The following GRIK2 variants were observed in gnomAD, a reference collection of about 807,000 sequenced individuals.
GRIK2 encodes glutamate receptor ionotropic, kainate 2.
GRIK2 carries 32 observed loss-of-function variants against 100.3 expected under a neutral mutation model. That is an observed-to-expected ratio of 0.32 (90% confidence interval 0.24 to 0.43). GRIK2 has a LOEUF of 0.43. Ranked by LOEUF, GRIK2 falls within the 20% of genes least tolerant of loss-of-function variation. The pLI is 1.00. For missense variants in GRIK2, 843 were observed against 1,114.9 expected (o/e 0.76, Z 3.47); for synonymous variants, 417 against 389.4 (o/e 1.07, Z -0.83).
chr6:101,396,971 T>C (rs1775035556), intron 1 of GRIK2, among the ~76,000 whole-genome samples: 1 of 152,206 alleles, frequency 6.6e-6, no homozygotes, highest in Non-Finnish European at 1.5e-5. Context: ...ATATAGAGGC[T>C]TGATCTTTCA....
chr6:101,688,233 A>G (rs1447130808), intron 7 of GRIK2, among the ~76,000 whole-genome samples: 1 of 151,344 alleles, frequency 6.6e-6, no homozygotes, highest in Non-Finnish European at 1.5e-5. Flanking sequence ...AAAGTAAATC[A>G]GTAGATATCA....
chr6:101,397,817 A>G (rs1056635735), intron 1 of GRIK2, among the ~76,000 whole-genome samples: 4 of 152,166 alleles, frequency 2.6e-5, no homozygotes, highest in Non-Finnish European at 5.9e-5. Flanking sequence ...GATTAATGAT[A>G]AGATATAGGT....
At position 101,898,247 on chromosome 6, in the gene GRIK2, G is replaced by A. The variant is rs145144119; in HGVS notation, c.1748+8384G>A. On this transcript the variant is annotated intron_variant, in intron 12 of 16. Coordinates refer to ENST00000369134, the MANE Select transcript of GRIK2 (RefSeq NM_021956.5). ...ACACTTTTTAATTTTAACTTATTAT[G>A]AAGAAGAATGTGACACTAAAGAAAA... is the stretch of plus-strand genomic sequence containing the variant. Among the ~76,000 whole-genome samples, 749 of 151,690 alleles carry A rather than the reference G, an allele frequency of 4.9e-3. 8 individuals carry two copies. The highest frequency in any genetic ancestry group is 0.016 in the African/African-American group (683 of 41,450).
At chr6:101,584,008 G>C (rs1373598469) in intron 2 of GRIK2, among the ~76,000 whole-genome samples, 2 of 152,036 alleles carry the variant, frequency 1.3e-5, no homozygotes, top group East Asian at 3.9e-4. Context: ...CTGTCATTGA[G>C]TATTGGCATG....
intron 2 of GRIK2, among the ~76,000 whole-genome samples, chr6:101,541,307 T>TG (rs781102919): frequency 1.1e-4 from 16 of 150,744 alleles, no homozygotes; most frequent in Non-Finnish European, 2.2e-4. Flanking sequence ...ATATCGAAGA[T>TG]GGGATGGGCT....
intron 7 of GRIK2, among the ~76,000 whole-genome samples, chr6:101,760,716 TTATA>T (rs1435325756): frequency 2.9e-5 from 3 of 103,746 alleles, no homozygotes; most frequent in Non-Finnish European, 5.0e-5. Context: ...ATATATTTAA[TTATA>T]TTTAATTATA....
intron 5 of GRIK2, among the ~76,000 whole-genome samples, chr6:101,678,903 T>C (rs1771039783): frequency 6.6e-6 from 1 of 152,222 alleles, no homozygotes; most frequent in African/African-American, 2.4e-5. Context: ...ACAGTGAATT[T>C]GAAGTTTTCC....
At chr6:101,960,403 T>C (rs552815227) in intron 14 of GRIK2, among the ~76,000 whole-genome samples, 1 of 152,282 alleles carries the variant, frequency 6.6e-6, no homozygotes, top group East Asian at 1.9e-4. Context: ...TAAAGCACTC[T>C]GTTTTTCCAT....
rs1044100969 is a variant in GRIK2, at chr6:101,898,140, C to T, written c.1748+8277C>T. On this transcript the variant is annotated intron_variant, in intron 12 of 16. Transcript: ENST00000369134. ...TATGATATGATTTAAGGAATAAATA[C>T]ATATATAGCAGCCCCCAGCCCCTCA... is the stretch of plus-strand genomic sequence containing the variant. 7.1e-4 allele frequency among the ~76,000 whole-genome samples: 108 copies of T among 151,644 alleles called. 1 individual carries two copies. The highest frequency in any genetic ancestry group is 1.6e-4 in the Non-Finnish European group (11 of 67,790).
chr6:101,943,982 T>C (rs1277508774), intron 14 of GRIK2, among the ~76,000 whole-genome samples: 4 of 152,144 alleles, frequency 2.6e-5, no homozygotes, highest in Admixed American at 2.6e-4. Context: ...AGAGTTGTAA[T>C]TCCCATGTTT....
chr6:101,676,810 C>T lies in GRIK2; in HGVS notation c.723+6C>T. ...CAGCAGGCATTTTAAAACAGGTAAC[C>T]TTTAAATTACTTCAATTCTTGTTTT... On this transcript the variant is annotated splice_donor_region_variant and intron_variant, in intron 5 of 16. Transcript: ENST00000369134. 6.6e-7 allele frequency: 1 copy of T among 1,514,000 alleles called. No individual in the cohort carries two copies. Among genetic ancestry groups the T allele is most frequent in the Non-Finnish European group, 9.0e-7 (1 of 1,109,148 alleles). The allele number at this position is 1,514,000 out of a possible 1,614,324, so 93.8% of individuals were successfully genotyped here.
chr6:101,649,694 G>C (rs1781699524), intron 4 of GRIK2, among the ~76,000 whole-genome samples: 1 of 152,070 alleles, frequency 6.6e-6, no homozygotes, highest in South Asian at 2.1e-4. Context: ...TAGCAAACAG[G>C]TAAATGAGTT....
chr6:101,523,992 G>C (rs1775020598), intron 2 of GRIK2, among the ~76,000 whole-genome samples: 2 of 152,154 alleles, frequency 1.3e-5, no homozygotes, highest in Admixed American at 1.3e-4. Context: ...ACAGTGCTGG[G>C]ATTACAGGCG....
chr6:102,055,830 C>T (rs1328632404), intron 16 of GRIK2, among the ~76,000 whole-genome samples: 1 of 151,880 alleles, frequency 6.6e-6, no homozygotes, highest in Non-Finnish European at 1.5e-5. Context: ...GGAAAAATAG[C>T]TATTTCTACT....
intron 16 of GRIK2, among the ~76,000 whole-genome samples, chr6:102,063,617 T>C (rs1037386109): frequency 6.6e-6 from 1 of 150,788 alleles, no homozygotes; most frequent in Admixed American, 6.6e-5. Flanking sequence ...CATGTTATTA[T>C]AAAAATATAT....
intron 7 of GRIK2, among the ~76,000 whole-genome samples, chr6:101,795,385 G>A (rs767038892): frequency 2.0e-5 from 3 of 152,164 alleles, no homozygotes; most frequent in Non-Finnish European, 4.4e-5. Flanking sequence ...GGGTGTAGGA[G>A]TGCCAGGTAG....
chr6:101,418,910 G>A (rs1333431976), intron 2 of GRIK2, among the ~76,000 whole-genome samples: 3 of 152,138 alleles, frequency 2.0e-5, no homozygotes, highest in East Asian at 1.9e-4. Flanking sequence ...ATGACATGGC[G>A]AGAGGATGGA....
chr6:101,461,949 G>T (rs1372520602), intron 2 of GRIK2, among the ~76,000 whole-genome samples: 1 of 152,130 alleles, frequency 6.6e-6, no homozygotes, highest in Non-Finnish European at 1.5e-5. Flanking sequence ...CTATTCTTAA[G>T]ACATACGAAG....
At position 101,461,134 on chromosome 6, in the gene GRIK2, T is replaced by C. The variant is rs185293681; in HGVS notation, c.115+61742T>C. Among the ~76,000 whole-genome samples the C allele has an allele frequency of 3.7e-3, 570 of 152,270 alleles. 10 individuals carry two copies. Among genetic ancestry groups the C allele is most frequent in the Non-Finnish European group, 9.0e-4 (61 of 68,022 alleles). On this transcript the variant is annotated intron_variant, in intron 2 of 16. Coordinates refer to ENST00000369134, the MANE Select transcript of GRIK2 (RefSeq NM_021956.5). ...GCTAAATACTGGAGATGAAACCATG[T>C]GGACATTTACAAATGTTGCTTCTGG...
Sources: allele counts gnomAD v4.1 joint callset (sites outside exome capture counted in the v4.1 genomes callset), GRCh38; gene constraint gnomAD v4.1.1; transcripts MANE v1.5; gene names NCBI Gene and HGNC (gene_info 2026-07-23, HGNC 2026-07-21).